The following FTCD variants were observed in gnomAD, a reference collection of about 807,000 sequenced individuals.
FTCD encodes the protein formimidoyltransferase cyclodeaminase, also known as formimidoyltransferase-cyclodeaminase.
A neutral mutation model predicts 62.9 loss-of-function variants in FTCD; 76 were observed. That is an observed-to-expected ratio of 1.21 (90% CI 1.00 to 1.46). The LOEUF (loss-of-function observed/expected upper bound fraction) is 1.46, where lower values mean the gene tolerates loss of function less well. Among genes scored for constraint, FTCD ranks in the 40% most tolerant of loss-of-function variants. FTCD has a pLI of 0.00. For missense variants in FTCD, 845 were observed against 751.3 expected (o/e 1.12, Z -1.46); for synonymous variants, 397 against 336.9 (o/e 1.18, Z -1.95).
In FTCD at chr21:46,136,976, C is replaced by T. The variant is rs540893316; in HGVS notation, c.*11G>A. 1 of 1,613,124 alleles carries T rather than the reference C, an allele frequency of 6.2e-7. No individual in the cohort carries two copies. Among genetic ancestry groups the T allele is most frequent in the African/African-American group, 1.3e-5 (1 of 75,044 alleles). On this transcript the variant is annotated 3_prime_UTR_variant, in exon 14 of 14. Coordinates refer to ENST00000397746, the MANE Select transcript of FTCD (RefSeq NM_206965.2). Reference sequence around the variant, plus strand: ...GAGGGGCCACAGAGCCCGGAGAGGCCTCCCGCACCGTCACTCCTGCCGGGT... The same window carrying T: ...GAGGGGCCACAGAGCCCGGAGAGGCTTCCCGCACCGTCACTCCTGCCGGGT...
At position 46,151,570 on chromosome 21, in the gene FTCD, G is replaced by C; in HGVS notation, c.624C>G (p.Arg208=). The C allele has an allele frequency of 6.2e-7, 1 of 1,612,520 alleles. No individual in the cohort carries two copies. The stretch of plus-strand genomic sequence containing the variant: ...TGAACGGGGTCACCTGGTCCTTCCC[G>C]CGGCCCTGCTCCCGCAGGTTGAGCG... ...RIALNLREQG[R]GKDQPGRLKK... The change falls in exon 5 of 14, where the codon CGC becomes CGG. Residue 208 remains arginine (R), a synonymous_variant. Transcript: ENST00000397746.
At chr21:46,141,916 C>G (rs1418084786) in intron 10 of FTCD, among the ~76,000 whole-genome samples, 1 of 152,098 alleles carries the variant, frequency 6.6e-6, no homozygotes, top group Admixed American at 6.6e-5. Flanking sequence ...TGCCCTGGGC[C>G]CCCCCGGGGA....
At chr21:46,152,743 T>G in intron 3 of FTCD, 164 bp downstream of exon 3, 2 of 610,126 alleles carry the variant, frequency 3.3e-6, no homozygotes, top group South Asian at 2.5e-5. Context: ...CGAGGCTGCG[T>G]TTATTTCGGT....
chr21:46,137,330 G>A lies in FTCD; in HGVS notation c.1448C>T (p.Ala483Val), dbSNP rs145609043. Reference sequence around the variant, plus strand: ...CACGCCCATCTCCAGGGCTTTGGCCGCCACCTGCAAGGACCCCAGGGAGCC... The same window carrying A: ...CACGCCCATCTCCAGGGCTTTGGCCACCACCTGCAAGGACCCCAGGGAGCC... ...NLACRSDLQV[A>V]AKALEMGVFG... Residue 483 changes from alanine (A) to valine (V), a missense_variant, in exon 13 of 14, where the codon GCG (alanine) becomes GTG (valine). Transcript: ENST00000397746. 342 of 1,612,432 alleles carry A rather than the reference G, an allele frequency of 2.1e-4. 1 individual carries two copies. The highest frequency in any genetic ancestry group is 5.1e-4 in the East Asian group (23 of 44,866).
chr21:46,155,127 C>T (rs1260241080), intron 1 of FTCD, among the ~76,000 whole-genome samples: 1 of 152,212 alleles, frequency 6.6e-6, no homozygotes, highest in African/African-American at 2.4e-5. Context: ...CTCACACAGC[C>T]CTTTCAGTCA....
chr21:46,155,474 T>G lies in FTCD; in HGVS notation c.50A>C (p.Gln17Pro). 6.2e-7 allele frequency: 1 copy of G among 1,612,734 alleles called. No homozygotes were observed. The highest frequency in any genetic ancestry group is 1.1e-5 in the South Asian group (1 of 91,074). The change falls in exon 1 of 14, where the codon CAG becomes CCG. Residue 17 changes from glutamine to proline, a missense_variant. By Grantham distance (76) the Gln-to-Pro change is moderately conservative. Transcript: ENST00000397746. ...GACCAGCTCCTCGGGCCTCACCTCC[T>G]GGTTCTTCCCCTCCGAAAAGTTGGG... ...CVPNFSEGKN[Q>P]EVIDAISGAI...
chr21:46,152,774 G>T, intron 3 of FTCD, 133 bp downstream of exon 3: 1 of 747,470 alleles, frequency 1.3e-6, no homozygotes, highest in Non-Finnish European at 2.1e-6. Context: ...CTGCGCTTCT[G>T]CATGTTGGCT....
chr21:46,151,443 G>A (rs1299585705), intron 5 of FTCD, 115 bp downstream of exon 5: 8 of 970,774 alleles, frequency 8.2e-6, no homozygotes, highest in South Asian at 2.8e-5. Flanking sequence ...GTGGGAGGCC[G>A]AACCCTGTCC....
rs2079137662 is a variant in FTCD at position 46,145,946 on chromosome 21, A to G, written c.970T>C (p.Tyr324His). 9 of 1,467,326 alleles carry G rather than the reference A, an allele frequency of 6.1e-6. No homozygotes were observed. Among genetic ancestry groups the G allele is most frequent in the Non-Finnish European group, 8.1e-6 (9 of 1,104,606 alleles). The allele number at this position is 1,467,326 out of a possible 1,614,324, so 90.9% of individuals were successfully genotyped here. A position where few individuals can be genotyped will look rare whatever the true frequency, so the allele number is the denominator to read the frequency against. ...PFSPKERIIE[Y>H]LVPERGPERG... Reference sequence around the variant, plus strand: ...TCAGGCCCGCGCTCAGGGACCAGGTACCTGCAGGGTGGGCGCGGCTCAGCG... The same window carrying G: ...TCAGGCCCGCGCTCAGGGACCAGGTGCCTGCAGGGTGGGCGCGGCTCAGCG... Residue 324 changes from tyrosine to histidine, a missense_variant and splice_region_variant, in exon 9 of 14, where the codon TAC (tyrosine) becomes CAC (histidine). By Grantham distance (83) the Tyr-to-His change is moderately conservative (BLOSUM62 2). Coordinates refer to ENST00000397746, the MANE Select transcript of FTCD (RefSeq NM_206965.2).
chr21:46,150,852 G>A (rs1007592807), intron 5 of FTCD, among the ~76,000 whole-genome samples: 7 of 152,370 alleles, frequency 4.6e-5, no homozygotes, highest in South Asian at 2.1e-4. Flanking sequence ...CCCCCATGCC[G>A]TTCTCCCATC....
At chr21:46,151,530 G>T (rs923484627) in intron 5 of FTCD, 28 bp downstream of exon 5, 17 of 1,596,150 alleles carry the variant, frequency 1.1e-5, no homozygotes, top group Non-Finnish European at 1.5e-5. Context: ...GCTGGGTGGG[G>T]CTCCATGGGG....
chr21:46,151,557 C>A lies in FTCD; in HGVS notation c.636+1G>T. ...TCCATGGGGTCAGTGAACGGGGTCA[C>A]CTGGTCCTTCCCGCGGCCCTGCTCC... is the stretch of plus-strand genomic sequence containing the variant. On this transcript the variant is annotated splice_donor_variant, in intron 5 of 13. Coordinates refer to ENST00000397746, the MANE Select transcript of FTCD (RefSeq NM_206965.2). LOFTEE classifies it high-confidence loss of function. The A allele has an allele frequency of 6.2e-7, 1 of 1,612,114 alleles. No homozygotes were observed. Among genetic ancestry groups the A allele is most frequent in the Admixed American group, 1.7e-5 (1 of 60,028 alleles).
chr21:46,150,843 C>A (rs1483090390), intron 5 of FTCD, among the ~76,000 whole-genome samples: 1 of 152,244 alleles, frequency 6.6e-6, no homozygotes, highest in African/African-American at 2.4e-5. Context: ...CCCCAGGCAC[C>A]CCCATGCCGT....
Position 46,150,196 on chromosome 21 carries a change from C to A in FTCD, c.829G>T (p.Ala277Ser). 7 of 1,609,832 alleles carry A rather than the reference C, an allele frequency of 4.3e-6. No individual in the cohort carries two copies. The highest frequency in any genetic ancestry group is 1.7e-5 in the Admixed American group (1 of 59,700). Reference protein sequence around the residue: ...SQLVGLVPLKALLDAAAFYCE... With the variant: ...SQLVGLVPLKSLLDAAAFYCE... ...TAGAAGGCGGCCGCATCCAGCAGAG[C>A]CTTCAGGGGCACCAGGCCCACCAGC... The change falls in exon 7 of 14, where the codon GCT becomes TCT. Residue 277 changes from alanine (A) to serine (S), a missense_variant. Physicochemically the swap from Ala to Ser is moderately conservative, Grantham distance 99 (BLOSUM62 1). Coordinates refer to ENST00000397746, the MANE Select transcript of FTCD (RefSeq NM_206965.2).
At chr21:46,137,954 T>C (rs1017240626) in intron 12 of FTCD, among the ~76,000 whole-genome samples, 1 of 152,192 alleles carries the variant, frequency 6.6e-6, no homozygotes, top group Non-Finnish European at 1.5e-5. Flanking sequence ...TGGAGCGCAG[T>C]GGTGTGATCA....
At chr21:46,151,203 T>A (rs2123561442) in intron 5 of FTCD, among the ~76,000 whole-genome samples, 1 of 151,914 alleles carries the variant, frequency 6.6e-6, no homozygotes, top group Admixed American at 6.5e-5. Flanking sequence ...GTGTCGGGGC[T>A]CCCAAGGCAT....
intron 10 of FTCD, among the ~76,000 whole-genome samples, chr21:46,141,187 G>C (rs879292238): frequency 2.5e-4 from 38 of 152,274 alleles, no homozygotes; most frequent in Non-Finnish European, 2.2e-4. Flanking sequence ...GCCCAGGCTA[G>C]AGTGCAGTGG....
At chr21:46,152,543 G>A (rs2079317324) in intron 3 of FTCD, 2 of 215,230 alleles carry the variant, frequency 9.3e-6, no homozygotes, top group Admixed American at 1.1e-4. Flanking sequence ...CTGGGTTGGT[G>A]CAGCCTAGGG....
chr21:46,138,625 C>A lies in FTCD; in HGVS notation c.1326G>T (p.Glu442Asp), dbSNP rs1208529548. 1 of 1,594,676 alleles carries A rather than the reference C, an allele frequency of 6.3e-7. No homozygotes were observed. The highest frequency in any genetic ancestry group is 2.2e-5 in the East Asian group (1 of 44,686). The change falls in exon 12 of 14, where the codon GAG becomes GAT. Residue 442 changes from glutamate (E) to aspartate (D), a missense_variant. Transcript: ENST00000397746. ...EKDRRTAALQEGLRRAVSVPL... is the reference protein window; with the variant it reads ...EKDRRTAALQDGLRRAVSVPL... The stretch of plus-strand genomic sequence containing the variant: ...GCACAGAGACTGCCCGCCTCAGACC[C>A]TCCTGTAGGGCCGCCGTGCGCCTGA...
Sources: allele counts gnomAD v4.1 joint callset (sites outside exome capture counted in the v4.1 genomes callset), GRCh38; gene constraint gnomAD v4.1.1; transcripts MANE v1.5; gene names NCBI Gene and HGNC (gene_info 2026-07-23, HGNC 2026-07-21).